The following PNCK variants were observed in gnomAD, a reference collection of about 807,000 sequenced individuals.
PNCK encodes the protein pregnancy up-regulated nonubiquitous CaM kinase, also known as calcium/calmodulin-dependent protein kinase type 1B.
A neutral mutation model predicts 28.3 loss-of-function variants in PNCK; 21 were observed. The ratio of observed to expected loss-of-function variants is 0.74; its 90% CI spans 0.53 to 1.07. The LOEUF (loss-of-function observed/expected upper bound fraction) is 1.07, where lower values mean the gene tolerates loss of function less well. PNCK is among the 50% of genes least tolerant of loss of function. The probability of loss-of-function intolerance (pLI) is 0.00; values close to 1 mark genes in which losing one functional copy is unlikely to be tolerated. For synonymous variants in PNCK, 136 were observed against 125.2 expected (o/e 1.09, Z -0.58); for missense variants, 250 against 298.3 (o/e 0.84, Z 1.19).
At chrX:153,687,193 C>A (rs2091424795) in intron 1 of PNCK, 1 of 203,722 alleles carries the variant, frequency 4.9e-6, no homozygotes, top group Non-Finnish European at 9.2e-6. Context: ...GGACCTCAGG[C>A]CTGAGGCCTT....
At chrX:153,670,714 C>G (rs369022391) in intron 10 of PNCK, 30 bp downstream of exon 10, 1 of 1,159,921 alleles carries the variant, frequency 8.6e-7, no homozygotes, top group Non-Finnish European at 1.2e-6. Flanking sequence ...GTGCGGCGGG[C>G]GACCACACTG....
Position 153,671,265 on chromosome X carries a change from C to A in PNCK, c.614+20G>T. ...CAGGGGCAGGCAGGCAGGAGACAAG[C>A]CTTCCCAGCGGTCACTCACAGGATG... is the stretch of plus-strand genomic sequence containing the variant. On this transcript the variant is annotated intron_variant, in intron 7 of 11. Transcript: ENST00000340888. 2.5e-6 allele frequency: 3 copies of A among 1,207,985 alleles called. No homozygotes were observed. The highest frequency in any genetic ancestry group is 3.4e-6 in the Non-Finnish European group (3 of 892,769).
At chrX:153,673,932 G>A (rs1199975557), upstream of PNCK, 2 of 1,038,052 alleles carry the variant, frequency 1.9e-6, no homozygotes, top group East Asian at 7.9e-5. Flanking sequence ...AGGGCACCTT[G>A]TAAGGCAATC....
chrX:153,672,956 C>G, intron 2 of PNCK, 53 bp downstream of exon 2: 1 of 100,909 alleles, frequency 9.9e-6, no homozygotes, highest in Non-Finnish European at 1.5e-5. Flanking sequence ...CACACAGGTA[C>G]ACACACACAC....
chrX:153,674,281 T>C, upstream of PNCK: 1 of 1,037,726 alleles, frequency 9.6e-7, no homozygotes, highest in South Asian at 2.3e-5. Context: ...CACCCTCGCT[T>C]TCTTCTCTAC....
At chrX:153,678,459 A>G (rs1334207470), upstream of PNCK, among the ~76,000 whole-genome samples, 1 of 111,681 alleles carries the variant, frequency 9.0e-6, no homozygotes, top group Non-Finnish European at 1.9e-5. Context: ...GTCTCTAAAA[A>G]TAAAATTAAA....
intron 1 of PNCK, among the ~76,000 whole-genome samples, chrX:153,680,803 G>T (rs2091391872): frequency 9.0e-6 from 1 of 110,613 alleles, no homozygotes; most frequent in Admixed American, 9.6e-5. Context: ...GCCGAGGAGG[G>T]TGGATCATCT....
intron 1 of PNCK, among the ~76,000 whole-genome samples, chrX:153,682,550 C>T (rs2091400062): frequency 8.9e-6 from 1 of 112,347 alleles, no homozygotes; most frequent in Non-Finnish European, 1.9e-5. Flanking sequence ...CAAGCTAAGC[C>T]ATCATATCCC....
rs180950875 is a variant in PNCK at position 153,670,664 on chromosome X, G to A, written c.895-70C>T. ...CAGCCCCTAGACTGTGAGGACTGCA[G>A]TGGTCACTGGGCAGCCACGGCGATC... is the stretch of plus-strand genomic sequence containing the variant. On this transcript the variant is annotated intron_variant, in intron 10 of 11. Transcript: ENST00000340888. 785 of 1,189,763 alleles carry A rather than the reference G, an allele frequency of 6.6e-4. 3 individuals carry two copies. In the African/African-American group the frequency reaches 0.01, roughly 16 times the overall value.
At chrX:153,684,607 CA>C (rs2091409425) in intron 1 of PNCK, among the ~76,000 whole-genome samples, 1 of 110,666 alleles carries the variant, frequency 9.0e-6, no homozygotes, top group Non-Finnish European at 1.9e-5. Context: ...ATTCTAATTC[CA>C]AAGCTCATTG....
At chrX:153,677,042 C>G (rs782160474), upstream of PNCK, among the ~76,000 whole-genome samples, 156 of 111,289 alleles carry the variant, frequency 1.4e-3, no homozygotes, top group Admixed American at 0.014. Flanking sequence ...TGGGCTCAAG[C>G]GATTCTCCCA....
At position 153,671,597 on chromosome X, in the gene PNCK, G is replaced by A. The variant is rs2091300818; in HGVS notation, c.490C>T (p.Gln164Ter). The change falls in exon 6 of 12, where the codon CAG becomes TAG. Residue 164 changes from glutamine to a stop codon, truncating the protein, a stop_gained. Coordinates refer to ENST00000340888, the MANE Select transcript of PNCK (RefSeq NM_001366977.1). LOFTEE classifies it high-confidence loss of function. ...GCGGTGCCTAGCATGTTCCCAGCCT[G>A]GATTTTGGAGAGTCCAAAGTCAGAG... ...MVSDFGLSKI[Q>*]AGNMLGTACG... 5.0e-6 allele frequency: 6 copies of A among 1,210,884 alleles called. No individual in the cohort carries two copies. The highest frequency in any genetic ancestry group is 6.7e-6 in the Non-Finnish European group (6 of 895,025).
At chrX:153,682,356 C>T (rs1358262194) in intron 1 of PNCK, among the ~76,000 whole-genome samples, 1 of 111,918 alleles carries the variant, frequency 8.9e-6, no homozygotes, top group Non-Finnish European at 1.9e-5. Context: ...TCACGGCTCA[C>T]GGCACCCTTG....
At chrX:153,680,508 G>A (rs1364460369) in intron 1 of PNCK, among the ~76,000 whole-genome samples, 1 of 109,087 alleles carries the variant, frequency 9.2e-6, no homozygotes, top group Non-Finnish European at 1.9e-5. Context: ...AGAACCATGA[G>A]CCAAAATAAG....
At chrX:153,673,947 G>A, upstream of PNCK, 1 of 1,057,343 alleles carries the variant, frequency 9.5e-7, no homozygotes, top group Non-Finnish European at 1.2e-6. Context: ...GCAATCGCCG[G>A]GATCCGGCTC....
chrX:153,679,566 CTTTTTTT>C (rs1211891003), upstream of PNCK, among the ~76,000 whole-genome samples: 15 of 46,075 alleles, frequency 3.3e-4, no homozygotes, highest in African/African-American at 1.2e-3. Flanking sequence ...CTTTTCTTTT[CTTTTTTT>C]TTTTTTTTTT....
intron 1 of PNCK, among the ~76,000 whole-genome samples, chrX:153,685,872 C>T (rs1245793832): frequency 8.9e-6 from 1 of 112,512 alleles, no homozygotes; most frequent in Non-Finnish European, 1.9e-5. Context: ...CAGCTGGGGG[C>T]GGGAGGCAGG....
intron 1 of PNCK, chrX:153,673,397 G>A: frequency 3.6e-6 from 3 of 829,286 alleles, no homozygotes; most frequent in Non-Finnish European, 5.0e-6. Flanking sequence ...CACCCACGCC[G>A]TCCCTCCCCC....
chrX:153,671,652 G>A lies in PNCK; in HGVS notation c.435C>T (p.Ala145=). The A allele has an allele frequency of 2.5e-6, 3 of 1,194,405 alleles. No individual in the cohort carries two copies. Among genetic ancestry groups the A allele is most frequent in the South Asian group, 3.7e-5 (2 of 53,720 alleles). Reference sequence around the variant, plus strand: ...TGATCTTCGAGTCCTCAAAGGGCGTGGCATACAGGAGGTTTTCGGGCTGTG... The same window carrying A: ...TGATCTTCGAGTCCTCAAAGGGCGTAGCATACAGGAGGTTTTCGGGCTGTG... ...RDLKPENLLY[A]TPFEDSKIMV... Residue 145 remains alanine (A), a synonymous_variant, in exon 6 of 12, where the codon GCC becomes GCT. Coordinates refer to ENST00000340888, the MANE Select transcript of PNCK (RefSeq NM_001366977.1).
Sources: allele counts gnomAD v4.1 joint callset (sites outside exome capture counted in the v4.1 genomes callset), GRCh38; gene constraint gnomAD v4.1.1; transcripts MANE v1.5; gene names NCBI Gene and HGNC (gene_info 2026-07-23, HGNC 2026-07-21).